Variants in ELK3 observed in about 807,000 individuals in gnomAD.
ELK3 encodes ETS domain-containing protein Elk-3.
A neutral mutation model predicts 28.9 loss-of-function variants in ELK3; 10 were observed. The ratio of observed to expected loss-of-function variants is 0.35; its 90% CI spans 0.21 to 0.59. The LOEUF is 0.59. Among genes scored for constraint, ELK3 ranks in the 20% least tolerant of loss-of-function variants. The probability of loss-of-function intolerance (pLI) is 0.82; values close to 1 mark genes in which losing one functional copy is unlikely to be tolerated. For synonymous variants in ELK3, 272 were observed against 243.5 expected, an observed-to-expected ratio of 1.12 and a Z score of -1.09; for missense variants, 463 against 517.3, an observed-to-expected ratio of 0.90 and a Z score of 1.02.
rs1271002648 is a variant in ELK3 at position 96,247,846 on chromosome 12, G to A, written c.1002+112G>A. 24 of 1,278,810 alleles carry A rather than the reference G, an allele frequency of 1.9e-5. 1 individual carries two copies. The highest frequency in any genetic ancestry group is 2.5e-5 in the East Asian group (1 of 39,226). 79.2% of individuals were successfully genotyped at this position (1,278,810 alleles called of 1,614,324 possible). On this transcript the variant is annotated intron_variant, in intron 3 of 4. Transcript: ENST00000228741. The surrounding 1 kb of genome is among the most constrained non-coding windows in gnomAD (Gnocchi z 5.5). ...CCCTCAAAACGTTGTCCTATGACTC[G>A]TACCGAGGTCACTGTGTAAATGTGA... is the stretch of plus-strand genomic sequence containing the variant.
intron 2 of ELK3, among the ~76,000 whole-genome samples, chr12:96,241,028 T>G (rs2137028847): frequency 6.6e-6 from 1 of 152,116 alleles, no homozygotes; most frequent in Non-Finnish European, 1.5e-5. Flanking sequence ...GCATGTGGAG[T>G]TTGCATATGG....
intron 1 of ELK3, among the ~76,000 whole-genome samples, chr12:96,203,798 G>A (rs1021492487): frequency 2.6e-5 from 4 of 152,160 alleles, no homozygotes. Flanking sequence ...AAAATTAGCC[G>A]AGTGTGGTGG....
intron 2 of ELK3, among the ~76,000 whole-genome samples, chr12:96,233,801 T>C (rs1951760362): frequency 1.3e-5 from 2 of 152,216 alleles, no homozygotes; most frequent in African/African-American, 4.8e-5. Context: ...CATGGAATGT[T>C]AGGGAAGACC....
Position 96,267,200 on chromosome 12 carries a change from A to G in ELK3, c.*20A>G. 6.2e-7 allele frequency: 1 copy of G among 1,604,282 alleles called. No homozygotes were observed. Among genetic ancestry groups the G allele is most frequent in the Admixed American group, 1.7e-5 (1 of 58,776 alleles). ...TCCTGATGACGTCTGGCCACAATTAAGGACTCATTAACTGATGAAACAAAT... is the reference window on the plus strand; with the variant it reads ...TCCTGATGACGTCTGGCCACAATTAGGGACTCATTAACTGATGAAACAAAT... On this transcript the variant is annotated 3_prime_UTR_variant, in exon 5 of 5. Coordinates refer to ENST00000228741, the MANE Select transcript of ELK3 (RefSeq NM_005230.4).
intron 1 of ELK3, among the ~76,000 whole-genome samples, chr12:96,220,450 C>T (rs151008469): frequency 0.014 from 1,951 of 144,006 alleles, 17 homozygotes; most frequent in Non-Finnish European, 0.02. Context: ...TGCAGTGGCG[C>T]GATCTTGGCT....
chr12:96,203,869 C>A (rs6538702), intron 1 of ELK3, among the ~76,000 whole-genome samples: 128,524 of 152,140 alleles, frequency 0.84, 54,476 homozygotes, highest in East Asian at 1. Context: ...TGAACCCGGG[C>A]GGTGAAGCTT....
rs1382965715 is a variant in ELK3 at position 96,268,690 on chromosome 12, T to C, written c.*1510T>C. 14 of 152,108 alleles carry C rather than the reference T, an allele frequency of 9.2e-5. No homozygotes were observed. Among genetic ancestry groups the C allele is most frequent in the Admixed American group, 9.2e-4 (14 of 15,264 alleles). The allele number at this position is 152,108 out of a possible 1,614,324, so 9.4% of individuals were successfully genotyped here. ...CCAAACTGGGCATTAAGTGGCAGGATTATGAGAAAGGATAAAAAAAGAGAT... is the reference window on the plus strand; with the variant it reads ...CCAAACTGGGCATTAAGTGGCAGGACTATGAGAAAGGATAAAAAAAGAGAT... On this transcript the variant is annotated 3_prime_UTR_variant, in exon 5 of 5. Coordinates refer to ENST00000228741, the MANE Select transcript of ELK3 (RefSeq NM_005230.4).
chr12:96,243,107 T>G (rs576844668), intron 2 of ELK3, among the ~76,000 whole-genome samples: 17 of 152,316 alleles, frequency 1.1e-4, no homozygotes, highest in African/African-American at 4.1e-4. Context: ...GTCTTCCACT[T>G]AAACACGTAA....
intron 2 of ELK3, among the ~76,000 whole-genome samples, chr12:96,236,910 T>TC (rs1209522454): frequency 1.3e-5 from 2 of 152,064 alleles, no homozygotes; most frequent in Non-Finnish European, 2.9e-5. Context: ...TAGGGAAAAA[T>TC]CCCCCCTTCC....
At chr12:96,227,797 G>A (rs1420339954) in intron 2 of ELK3, among the ~76,000 whole-genome samples, 1 of 152,230 alleles carries the variant, frequency 6.6e-6, no homozygotes, top group African/African-American at 2.4e-5. Flanking sequence ...CTGTGGCCGT[G>A]TTGCCTAATC....
intron 2 of ELK3, among the ~76,000 whole-genome samples, chr12:96,243,268 A>G (rs969337027): frequency 1.2e-4 from 19 of 152,276 alleles, no homozygotes; most frequent in African/African-American, 3.4e-4. Flanking sequence ...ACTTTAGAAC[A>G]TTTTCATTAC....
At chr12:96,200,852 G>A (rs1363168173) in intron 1 of ELK3, among the ~76,000 whole-genome samples, 1 of 151,784 alleles carries the variant, frequency 6.6e-6, no homozygotes, top group Non-Finnish European at 1.5e-5. Flanking sequence ...TAATAGAGAC[G>A]GGCTTTTGCC....
intron 3 of ELK3, among the ~76,000 whole-genome samples, chr12:96,256,078 G>A (rs1161696092): frequency 1.3e-5 from 2 of 152,182 alleles, no homozygotes; most frequent in Non-Finnish European, 2.9e-5. Context: ...CAGTGTTTGA[G>A]GGTGGTTGAT....
At chr12:96,212,611 C>G (rs909296283) in intron 1 of ELK3, 4 of 152,146 alleles carry the variant, frequency 2.6e-5, no homozygotes, top group African/African-American at 7.2e-5. Context: ...CCAAGCAGCT[C>G]TAATGAACGG....
intron 1 of ELK3, among the ~76,000 whole-genome samples, chr12:96,206,804 T>G (rs1172070433): frequency 3.3e-5 from 5 of 152,184 alleles, no homozygotes. Flanking sequence ...TACAGATTGA[T>G]GTTTGATGTT....
At chr12:96,214,304 G>A (rs748242806) in intron 1 of ELK3, among the ~76,000 whole-genome samples, 2 of 151,996 alleles carry the variant, frequency 1.3e-5, no homozygotes, top group African/African-American at 2.4e-5. Context: ...AGTGGTGTGC[G>A]CCTGTAGTCC....
intron 4 of ELK3, among the ~76,000 whole-genome samples, chr12:96,266,520 T>C (rs1022884379): frequency 1.3e-5 from 2 of 152,196 alleles, no homozygotes; most frequent in Non-Finnish European, 2.9e-5. Flanking sequence ...GAGTGATCTG[T>C]GTGATATTTT....
chr12:96,205,305 T>C lies in ELK3; in HGVS notation c.-3+10600T>C, dbSNP rs185855762. 5.9e-5 allele frequency among the ~76,000 whole-genome samples: 9 copies of C among 152,334 alleles called. No individual in the cohort carries two copies. In the East Asian group the frequency reaches 1.7e-3, roughly 29 times the overall value. ...GGACCAAACCATTTAGTATTATCTTTGGGACTGTGTGTGAGGTGCAGTACC... is the reference window on the plus strand; with the variant it reads ...GGACCAAACCATTTAGTATTATCTTCGGGACTGTGTGTGAGGTGCAGTACC... On this transcript the variant is annotated intron_variant, in intron 1 of 4. Coordinates refer to ENST00000228741, the MANE Select transcript of ELK3 (RefSeq NM_005230.4).
chr12:96,212,643 G>A (rs969732930), intron 1 of ELK3: 23 of 152,178 alleles, frequency 1.5e-4, no homozygotes, highest in Admixed American at 1.0e-3. Flanking sequence ...TGGGAAGGCC[G>A]GGTGACCAGT....
Sources: allele counts gnomAD v4.1 joint callset (sites outside exome capture counted in the v4.1 genomes callset), GRCh38; gene constraint gnomAD v4.1.1; non-coding constraint Gnocchi (gnomAD v3.1); transcripts MANE v1.5; gene names NCBI Gene and HGNC (gene_info 2026-07-23, HGNC 2026-07-21).